The following FREM3 variants were observed in gnomAD, a reference collection of about 807,000 sequenced individuals.
The protein encoded by FREM3 is FRAS1 related extracellular matrix 3, also known as FRAS1-related extracellular matrix protein 3.
Under a neutral mutation model 129.1 loss-of-function variants are expected in FREM3, and 105 were observed. The observed-to-expected ratio is 0.81, with a 90% CI of 0.69 to 0.96. FREM3 has a LOEUF of 0.96. Among genes scored for constraint, FREM3 ranks in the 40% least tolerant of loss-of-function variants. The probability of loss-of-function intolerance (pLI) is 0.00; values close to 1 mark genes in which losing one functional copy is unlikely to be tolerated. For missense variants in FREM3, 2,593 were observed against 2,666.3 expected (o/e 0.97, Z 0.61); for synonymous variants, 1,014 against 1,044.9 (o/e 0.97, Z 0.57).
intron 2 of FREM3, chr4:143,649,436 C>T (rs915413992): frequency 1.3e-5 from 2 of 152,120 alleles, no homozygotes; most frequent in Non-Finnish European, 2.9e-5. Flanking sequence ...TTTGTTTTTC[C>T]TTTGTGAAAA....
rs1007644957 is a variant in FREM3, at chr4:143,700,115, G to T, written c.561C>A (p.Ala187=). The change falls in exon 1 of 8, where the codon GCC becomes GCA. Residue 187 remains alanine (A), a synonymous_variant. Transcript: ENST00000329798. ...VVEKLRSWSR[A]IDRRVLDFAS... ...CGAAGTCCAGCACTCTCCTGTCTAT[G>T]GCGCGGCTCCAGCTTCGCAGCTTCT... is the stretch of plus-strand genomic sequence containing the variant. 1 of 1,536,936 alleles carries T rather than the reference G, an allele frequency of 6.5e-7. No homozygotes were observed. The highest frequency in any genetic ancestry group is 1.4e-5 in the African/African-American group (1 of 73,052).
chr4:143,663,405 A>G (rs890656118), intron 2 of FREM3, among the ~76,000 whole-genome samples: 3 of 152,174 alleles, frequency 2.0e-5, no homozygotes, highest in African/African-American at 7.2e-5. Flanking sequence ...AATGTTGAAT[A>G]TTGGCCCCCA....
intron 2 of FREM3, among the ~76,000 whole-genome samples, chr4:143,692,832 T>C (rs180877132): frequency 2.0e-5 from 3 of 152,306 alleles, no homozygotes; most frequent in African/African-American, 7.2e-5. Flanking sequence ...CACTTGCCTA[T>C]ATGATGTCAC....
At chr4:143,670,585 T>C (rs1739948579) in intron 2 of FREM3, among the ~76,000 whole-genome samples, 1 of 152,116 alleles carries the variant, frequency 6.6e-6, no homozygotes, top group African/African-American at 2.4e-5. Context: ...CAAAACGACG[T>C]TTTTAAAATT....
chr4:143,690,886 G>A (rs1740453260), intron 2 of FREM3, among the ~76,000 whole-genome samples: 1 of 152,144 alleles, frequency 6.6e-6, no homozygotes, highest in African/African-American at 2.4e-5. Flanking sequence ...GGCAGCACAT[G>A]CCTGTAGTAC....
chr4:143,577,712 T>C lies in FREM3; in HGVS notation c.6319A>G (p.Met2107Val). The C allele has an allele frequency of 6.5e-7, 1 of 1,537,308 alleles. No homozygotes were observed. The highest frequency in any genetic ancestry group is 8.7e-7 in the Non-Finnish European group (1 of 1,146,918). The stretch of plus-strand genomic sequence containing the variant: ...TCTCCAAGCACTGCACCCATAGGCA[T>C]CTGAAGAAGTAATTCAAACTTCTCT... Reference protein sequence around the residue: ...GPEKFELLLQMPMGAVLGEPN... With the variant: ...GPEKFELLLQVPMGAVLGEPN... Residue 2107 changes from methionine to valine, a missense_variant, in exon 8 of 8, where the codon ATG becomes GTG. Met to Val is a conservative substitution (Grantham distance 21). Coordinates refer to ENST00000329798, the MANE Select transcript of FREM3 (RefSeq NM_001168235.2).
At chr4:143,678,047 C>A (rs771268943) in intron 2 of FREM3, among the ~76,000 whole-genome samples, 1 of 152,162 alleles carries the variant, frequency 6.6e-6, no homozygotes, top group Non-Finnish European at 1.5e-5. Context: ...TGGGTATATA[C>A]CCAAAGGAAT....
chr4:143,584,871 C>T lies in FREM3; in HGVS notation c.6178+973G>A, dbSNP rs534230702. Among the ~76,000 whole-genome samples the T allele has an allele frequency of 4.7e-4, 72 of 152,254 alleles. 1 individual carries two copies. In the South Asian group the frequency reaches 0.013, roughly 28 times the overall value. On this transcript the variant is annotated intron_variant, in intron 7 of 7. Coordinates refer to ENST00000329798, the MANE Select transcript of FREM3 (RefSeq NM_001168235.2). The stretch of plus-strand genomic sequence containing the variant: ...ACACGTACTCTAAAATCGACTACAC[C>T]GTTGGCCATAAAAATTATTAGCAAA...
In FREM3 at chr4:143,696,206, T is replaced by C. The variant is rs768359174; in HGVS notation, c.4470A>G (p.Gln1490=). ...CATAGGATATTTTGTTGCTAGCCAA[T>C]TGAAGTTGAGTGAAAGAGGCAATGG... ...GEPIASFTQL[Q]LASNKISYVH... The change falls in exon 1 of 8, where the codon CAA becomes CAG. Residue 1490 remains glutamine (Q), a synonymous_variant. Coordinates refer to ENST00000329798, the MANE Select transcript of FREM3 (RefSeq NM_001168235.2). The C allele has an allele frequency of 7.2e-6, 11 of 1,537,758 alleles. No homozygotes were observed. The highest frequency in any genetic ancestry group is 2.0e-5 in the Admixed American group (1 of 50,980).
At chr4:143,683,885 G>A (rs549268596) in intron 2 of FREM3, among the ~76,000 whole-genome samples, 1 of 152,086 alleles carries the variant, frequency 6.6e-6, no homozygotes, top group African/African-American at 2.4e-5. Flanking sequence ...TGTGACTGCC[G>A]GCTTTCCCCC....
intron 2 of FREM3, among the ~76,000 whole-genome samples, chr4:143,636,178 C>A (rs1578844676): frequency 6.8e-6 from 1 of 146,002 alleles, no homozygotes; most frequent in African/African-American, 2.5e-5. Flanking sequence ...TTTTTTTAAA[C>A]TACATAGAAT....
intron 7 of FREM3, among the ~76,000 whole-genome samples, chr4:143,583,483 A>G (rs1369111752): frequency 6.6e-6 from 1 of 152,144 alleles, no homozygotes; most frequent in African/African-American, 2.4e-5. Context: ...TGTATAAGAC[A>G]ACTATCCCTA....
At chr4:143,674,820 T>A (rs1488794180) in intron 2 of FREM3, among the ~76,000 whole-genome samples, 1 of 152,154 alleles carries the variant, frequency 6.6e-6, no homozygotes, top group Non-Finnish European at 1.5e-5. Context: ...GGTAAAGGGA[T>A]CAATTCAACA....
chr4:143,628,850 AT>A (rs771687422), intron 2 of FREM3, among the ~76,000 whole-genome samples: 1 of 152,108 alleles, frequency 6.6e-6, no homozygotes, highest in Non-Finnish European at 1.5e-5. Context: ...TGACTTACTC[AT>A]TTCCAAAAAA....
intron 2 of FREM3, among the ~76,000 whole-genome samples, chr4:143,633,840 T>C (rs554743740): frequency 2.5e-4 from 38 of 152,214 alleles, no homozygotes; most frequent in African/African-American, 7.5e-4. Flanking sequence ...TAAAAAGACA[T>C]GTCAGGTATG....
chr4:143,661,493 G>C (rs565067292), intron 2 of FREM3, among the ~76,000 whole-genome samples: 1 of 151,818 alleles, frequency 6.6e-6, no homozygotes, highest in South Asian at 2.1e-4. Flanking sequence ...CTGTTTGCCA[G>C]TATTTTATTG....
At chr4:143,587,202 GC>G (rs1365180697) in intron 6 of FREM3, among the ~76,000 whole-genome samples, 1 of 152,090 alleles carries the variant, frequency 6.6e-6, no homozygotes, top group Non-Finnish European at 1.5e-5. Flanking sequence ...TGTTCTCTGA[GC>G]TGGAATGTGC....
At chr4:143,580,755 C>CT (rs1386089589) in intron 7 of FREM3, among the ~76,000 whole-genome samples, 1 of 152,250 alleles carries the variant, frequency 6.6e-6, no homozygotes, top group Non-Finnish European at 1.5e-5. Flanking sequence ...GCAGGCAGGC[C>CT]TGTCAGTTTT....
intron 2 of FREM3, chr4:143,645,213 G>C (rs1468258939): frequency 6.6e-6 from 1 of 152,164 alleles, no homozygotes; most frequent in Non-Finnish European, 1.5e-5. Context: ...GACATTCATG[G>C]TCTGTGGAAC....
Sources: allele counts gnomAD v4.1 joint callset (sites outside exome capture counted in the v4.1 genomes callset), GRCh38; gene constraint gnomAD v4.1.1; transcripts MANE v1.5; gene names NCBI Gene and HGNC (gene_info 2026-07-23, HGNC 2026-07-21).